The following BLTP1 variants were observed in gnomAD, a reference collection of about 807,000 sequenced individuals.
The protein encoded by BLTP1 is fragile site-associated protein.
At chr4:122,186,129 T>C in the BLTP1 span, 3 of 1,612,740 alleles carry the variant, frequency 1.9e-6, no homozygotes, top group Non-Finnish European at 2.5e-6. Flanking sequence ...CTTCAAGAGT[T>C]GTTTGGTTTG....
the BLTP1 span, chr4:122,186,161 A>G: frequency 7.4e-6 from 12 of 1,612,806 alleles, no homozygotes; most frequent in East Asian, 2.5e-4. Flanking sequence ...AATTCCACCT[A>G]AGAAAGATGA....
chr4:122,153,781 C>T, the BLTP1 span, among the ~76,000 whole-genome samples: 3 of 152,156 alleles, frequency 2.0e-5, no homozygotes, highest in African/African-American at 7.2e-5. Context: ...TTACCAAACT[C>T]ATGCTCTTAA....
At chr4:122,252,991 A>C in the BLTP1 span, among the ~76,000 whole-genome samples, 1 of 152,200 alleles carries the variant, frequency 6.6e-6, no homozygotes, top group African/African-American at 2.4e-5. Context: ...AAGGGAAGAT[A>C]ATAAGAGCCT....
the BLTP1 span, chr4:122,174,899 T>C: frequency 5.8e-6 from 2 of 342,004 alleles, no homozygotes; most frequent in Non-Finnish European, 8.3e-6. Flanking sequence ...GATGAGAAAG[T>C]GAACCTTTAA....
the BLTP1 span, chr4:122,226,728 G>A: frequency 2.6e-5 from 42 of 1,613,310 alleles, no homozygotes; most frequent in Non-Finnish European, 3.3e-5. Flanking sequence ...CTTGGAGTGG[G>A]GACAGACATT....
At chr4:122,243,720 G>GAA in the BLTP1 span, 201 of 942,116 alleles carry the variant, frequency 2.1e-4, no homozygotes, top group South Asian at 3.9e-4. Context: ...CTATCTCAAA[G>GAA]AAAAAAAAAA....
the BLTP1 span, among the ~76,000 whole-genome samples, chr4:122,184,331 C>T: frequency 6.6e-6 from 1 of 152,036 alleles, no homozygotes; most frequent in African/African-American, 2.4e-5. Flanking sequence ...TAGTTGATAG[C>T]AGTTGCTAAG....
chr4:122,342,303 C>T, the BLTP1 span, among the ~76,000 whole-genome samples: 4 of 151,982 alleles, frequency 2.6e-5, no homozygotes, highest in African/African-American at 7.2e-5. Context: ...GGAAGGATGA[C>T]GGATAACTCC....
chr4:122,264,278 C>A, the BLTP1 span: 1 of 1,606,988 alleles, frequency 6.2e-7, no homozygotes, highest in Non-Finnish European at 8.5e-7. Flanking sequence ...TCCAACAATA[C>A]CCTCAGCCTC....
chr4:122,226,656 C>T, the BLTP1 span: 1 of 1,606,120 alleles, frequency 6.2e-7, no homozygotes, highest in Non-Finnish European at 8.5e-7. Context: ...AACTCTAAAC[C>T]CTTGTTTAGA....
the BLTP1 span, chr4:122,222,904 G>C: frequency 1.4e-6 from 1 of 721,898 alleles, no homozygotes; most frequent in Non-Finnish European, 1.7e-6. Context: ...ATAACATTTA[G>C]AATATAATAT....
At chr4:122,347,391 G>A in the BLTP1 span, 1 of 1,334,514 alleles carries the variant, frequency 7.5e-7, no homozygotes, top group Non-Finnish European at 1.0e-6. Context: ...TTGCTGTACA[G>A]CTGCTAAATA....
At chr4:122,198,517 T>A in the BLTP1 span, 10 of 867,394 alleles carry the variant, frequency 1.2e-5, no homozygotes, top group Non-Finnish European at 1.4e-5. Flanking sequence ...ATTTTTACTG[T>A]TTTATGCAGT....
the BLTP1 span, among the ~76,000 whole-genome samples, chr4:122,161,905 A>G: frequency 6.6e-6 from 1 of 152,186 alleles, no homozygotes; most frequent in Non-Finnish European, 1.5e-5. Context: ...AATGCCAGGA[A>G]CTTTGTTGGA....
At chr4:122,234,934 C>T in the BLTP1 span, 39 of 1,613,418 alleles carry the variant, frequency 2.4e-5, no homozygotes, top group Admixed American at 5.3e-4. Context: ...TTTTCAAGCA[C>T]AAGTGCAGAG....
At chr4:122,252,067 C>T in the BLTP1 span, among the ~76,000 whole-genome samples, 1 of 152,154 alleles carries the variant, frequency 6.6e-6, no homozygotes, top group Non-Finnish European at 1.5e-5. Flanking sequence ...GAACCCACTG[C>T]ATTGAAGGAA....
At chr4:122,248,115 T>C in the BLTP1 span, 1 of 985,256 alleles carries the variant, frequency 1.0e-6, no homozygotes. Flanking sequence ...TTTGACTTTC[T>C]CAAGGCTTAT....
chr4:122,236,724 G>T, the BLTP1 span: 4 of 920,446 alleles, frequency 4.3e-6, no homozygotes, highest in Non-Finnish European at 5.2e-6. Context: ...GATGTGAAAT[G>T]AGGAAAATAG....
chr4:122,307,986 C>A, the BLTP1 span: 1 of 1,613,240 alleles, frequency 6.2e-7, no homozygotes, highest in Non-Finnish European at 8.5e-7. Context: ...CCGCCTATGA[C>A]AACTGGAATG....
Sources: allele counts gnomAD v4.1 joint callset (sites outside exome capture counted in the v4.1 genomes callset), GRCh38; gene constraint gnomAD v4.1.1; transcripts MANE v1.5; gene names NCBI Gene and HGNC (gene_info 2026-07-23, HGNC 2026-07-21).